HECA: variants seen among roughly 807,000 people sequenced by gnomAD.
The protein encoded by HECA is HECA ribonucleoprotein granule regulator.
Under a neutral mutation model 37.6 loss-of-function variants are expected in HECA, and 13 were observed. The ratio of observed to expected loss-of-function variants is 0.35; its 90% CI spans 0.23 to 0.55. The LOEUF (loss-of-function observed/expected upper bound fraction) is 0.55, where lower values mean the gene tolerates loss of function less well. Ranked by LOEUF, HECA falls within the 20% of genes least tolerant of loss-of-function variation. HECA has a pLI of 0.90. For missense variants in HECA, 527 were observed against 701.9 expected (o/e 0.75, Z 2.82); for synonymous variants, 307 against 291.5 (o/e 1.05, Z -0.54).
intron 1 of HECA, among the ~76,000 whole-genome samples, chr6:139,146,423 G>C (rs943094016): frequency 6.6e-6 from 1 of 152,132 alleles, no homozygotes; most frequent in Admixed American, 6.5e-5. Context: ...CTTTATAAAT[G>C]AGCACTCCTG....
At chr6:139,147,575 C>A (rs1482936709) in intron 1 of HECA, among the ~76,000 whole-genome samples, 4 of 152,124 alleles carry the variant, frequency 2.6e-5, no homozygotes, top group African/African-American at 9.7e-5. Context: ...CAGTGAGCTG[C>A]ATCTAGCCTG....
intron 1 of HECA, among the ~76,000 whole-genome samples, chr6:139,160,268 C>G (rs555547311): frequency 5.3e-5 from 8 of 152,308 alleles, no homozygotes; most frequent in African/African-American, 1.4e-4. Flanking sequence ...ACAATGCCAA[C>G]TCTGTGTAAA....
At chr6:139,163,352 CTT>C (rs60943037) in intron 1 of HECA, among the ~76,000 whole-genome samples, 6 of 142,450 alleles carry the variant, frequency 4.2e-5, no homozygotes, top group East Asian at 2.4e-4. Context: ...GTTCTCCATT[CTT>C]TTTTTTTTTT....
At chr6:139,160,906 AGCATTTTATC>A (rs1463046501) in intron 1 of HECA, among the ~76,000 whole-genome samples, 1 of 152,234 alleles carries the variant, frequency 6.6e-6, no homozygotes, top group Non-Finnish European at 1.5e-5. Context: ...GAATAGGGCA[AGCATTTTATC>A]CCCACTTTAC....
rs1775122931 is a variant in HECA at position 139,180,687 on chromosome 6, AAT to A, written c.*3584_*3585del. On this transcript the variant is annotated 3_prime_UTR_variant, in exon 4 of 4. Coordinates refer to ENST00000367658, the MANE Select transcript of HECA (RefSeq NM_016217.3). ...ACTTTTGTTGAGGAAAGACAGTGTA[AAT>A]AGTTAAAGAATGTTGATAAAATTGA... 1.3e-5 allele frequency: 2 copies of A among 152,584 alleles called. No homozygotes were observed. The highest frequency in any genetic ancestry group is 4.8e-5 in the African/African-American group (2 of 41,444). The allele number at this position is 152,584 out of a possible 1,614,324, so 9.5% of individuals were successfully genotyped here. A position where few individuals can be genotyped will look rare whatever the true frequency, so the allele number is the denominator to read the frequency against.
At position 139,176,848 on chromosome 6, in the gene HECA, C is replaced by T. The variant is rs976544222; in HGVS notation, c.1468-93C>T. The T allele has an allele frequency of 2.7e-6, 2 of 745,392 alleles. No homozygotes were observed. Among genetic ancestry groups the T allele is most frequent in the Non-Finnish European group, 4.7e-6 (2 of 425,320 alleles). 46.2% of individuals were successfully genotyped at this position (745,392 alleles called of 1,614,324 possible). A position where few individuals can be genotyped will look rare whatever the true frequency, so the allele number is the denominator to read the frequency against. On this transcript the variant is annotated intron_variant, in intron 3 of 3. Coordinates refer to ENST00000367658, the MANE Select transcript of HECA (RefSeq NM_016217.3). The surrounding 1 kb of genome is among the most constrained non-coding windows in gnomAD (Gnocchi z 4.5). Reference sequence around the variant, plus strand: ...AGTAAAAGGGATGCTTTGCAAAGCCCTTGATCAGTTTCCCAGCATTTTGGT... The same window carrying T: ...AGTAAAAGGGATGCTTTGCAAAGCCTTTGATCAGTTTCCCAGCATTTTGGT...
At chr6:139,142,904 C>T (rs537583505) in intron 1 of HECA, among the ~76,000 whole-genome samples, 138 of 152,108 alleles carry the variant, frequency 9.1e-4, no homozygotes, top group African/African-American at 3.1e-3. Context: ...GCTGAGATCG[C>T]GCCATTGCAC....
rs545288129 is a variant in HECA at position 139,178,471 on chromosome 6, C to T, written c.*1366C>T. 4 of 147,358 alleles carry T rather than the reference C, an allele frequency of 2.7e-5. No homozygotes were observed. The highest frequency in any genetic ancestry group is 1.3e-4 in the Admixed American group (2 of 14,826). The allele number at this position is 147,358 out of a possible 1,614,324, so 9.1% of individuals were successfully genotyped here. A position where few individuals can be genotyped will look rare whatever the true frequency, so the allele number is the denominator to read the frequency against. ...TAGCCAAATTTGGGGTTGATGTGAA[C>T]ATTTTATGTTACTCATTTGGTTTAT... On this transcript the variant is annotated 3_prime_UTR_variant, in exon 4 of 4. Coordinates refer to ENST00000367658, the MANE Select transcript of HECA (RefSeq NM_016217.3).
Position 139,135,408 on chromosome 6 carries a change from C to CA in HECA, c.17dup (p.Asn6LysfsTer99). The CA allele has an allele frequency of 2.2e-6, 3 of 1,389,830 alleles. No individual in the cohort carries two copies. The highest frequency in any genetic ancestry group is 1.5e-5 in the African/African-American group (1 of 65,756). The allele number at this position is 1,389,830 out of a possible 1,614,324, so 86.1% of individuals were successfully genotyped here. Reference sequence around the variant, plus strand: ...CGCGAGCGAGCGAGATGCCCAACCCCAAAAACAGCAAAGGCGGCCGCAAAA... The same window carrying CA: ...CGCGAGCGAGCGAGATGCCCAACCCCAAAAAACAGCAAAGGCGGCCGCAAAA... On this transcript the variant is annotated frameshift_variant, in exon 1 of 4. Transcript: ENST00000367658. LOFTEE classifies it high-confidence loss of function.
chr6:139,164,002 T>G (rs1480994245), intron 1 of HECA, among the ~76,000 whole-genome samples: 1 of 152,086 alleles, frequency 6.6e-6, no homozygotes, highest in Non-Finnish European at 1.5e-5. Context: ...TTTTTCCATC[T>G]TCCCTGTCCT....
At position 139,135,219 on chromosome 6, in the gene HECA, G is replaced by A; in HGVS notation, c.-178G>A. On this transcript the variant is annotated 5_prime_UTR_variant, in exon 1 of 4. Transcript: ENST00000367658. ...GTGCCGGCTCCAGGAAGCCGGAGAG[G>A]GCGCGGCGGCCAGGATGGCGCGGCA... 2.5e-6 allele frequency: 1 copy of A among 405,592 alleles called. No individual in the cohort carries two copies. Among genetic ancestry groups the A allele is most frequent in the Non-Finnish European group, 3.6e-6 (1 of 281,466 alleles). The allele number at this position is 405,592 out of a possible 1,614,324, so 25.1% of individuals were successfully genotyped here.
chr6:139,143,578 C>T (rs2498677), intron 1 of HECA, among the ~76,000 whole-genome samples: 127,732 of 152,182 alleles, frequency 0.84, 54,331 homozygotes, highest in African/African-American at 0.91. Flanking sequence ...TAGAAATAAA[C>T]GCTGCCAGGC....
rs1774894420 is a variant in HECA at position 139,166,816 on chromosome 6, C to T, written c.804C>T (p.Ser268=). 1 of 1,613,660 alleles carries T rather than the reference C, an allele frequency of 6.2e-7. No individual in the cohort carries two copies. Among genetic ancestry groups the T allele is most frequent in the Admixed American group, 1.7e-5 (1 of 59,992 alleles). ...AAYGARSPGG[S]PGQSPPTGYS... ...ACGGTGCCCGTTCCCCCGGTGGCTC[C>T]CCGGGCCAGTCCCCACCCACGGGCT... The change falls in exon 2 of 4, where the codon TCC becomes TCT. Residue 268 remains serine (S), a synonymous_variant. Transcript: ENST00000367658.
chr6:139,161,363 A>G lies in HECA; in HGVS notation c.272-4921A>G, dbSNP rs192830854. 7.9e-5 allele frequency among the ~76,000 whole-genome samples: 12 copies of G among 152,262 alleles called. No homozygotes were observed. The East Asian group carries it at 2.3e-3, about 29-fold the overall frequency. ...TCAAAGTGGCTGACTATAAACAAGCAGGGCTGGCAAGTTGGAGTGGGGGCT... is the reference window on the plus strand; with the variant it reads ...TCAAAGTGGCTGACTATAAACAAGCGGGGCTGGCAAGTTGGAGTGGGGGCT... On this transcript the variant is annotated intron_variant, in intron 1 of 3. Coordinates refer to ENST00000367658, the MANE Select transcript of HECA (RefSeq NM_016217.3).
intron 1 of HECA, among the ~76,000 whole-genome samples, chr6:139,143,874 A>C (rs1774547729): frequency 6.6e-6 from 1 of 151,882 alleles, no homozygotes. Flanking sequence ...AAAAAAAAAA[A>C]AAAAGAAAGA....
At chr6:139,167,433 T>A (rs1047462161) in intron 2 of HECA, 109 bp downstream of exon 2, 2 of 911,168 alleles carry the variant, frequency 2.2e-6, no homozygotes, top group African/African-American at 3.3e-5. Context: ...GTTTTTTTGT[T>A]CTAGTCAGGT....
chr6:139,150,664 A>AT (rs1327493772), intron 1 of HECA, among the ~76,000 whole-genome samples: 13 of 151,866 alleles, frequency 8.6e-5, no homozygotes, highest in African/African-American at 3.1e-4. Context: ...TAAGTTTTAG[A>AT]TTTTTTTGGT....
chr6:139,172,792 C>CTCACTT (rs1184543028), intron 2 of HECA, among the ~76,000 whole-genome samples: 1 of 152,184 alleles, frequency 6.6e-6, no homozygotes, highest in Non-Finnish European at 1.5e-5. Context: ...CTCTGTAAGC[C>CTCACTT]TCACTTCCTA....
At chr6:139,148,323 A>G (rs922008436) in intron 1 of HECA, among the ~76,000 whole-genome samples, 2 of 152,236 alleles carry the variant, frequency 1.3e-5, no homozygotes, top group Admixed American at 6.5e-5. Context: ...GTGTGAGGAA[A>G]GTTGTGAAAT....
Sources: gnomAD v4.1 joint callset for allele counts (sites outside exome capture counted in the v4.1 genomes callset) on GRCh38, gnomAD v4.1.1 for gene constraint, Gnocchi (gnomAD v3.1) non-coding constraint, MANE v1.5 for transcripts, NCBI Gene and HGNC (gene_info 2026-07-23, HGNC 2026-07-21) for gene names.